TMC1: variants seen among roughly 807,000 people sequenced by gnomAD.
TMC1 encodes the protein transmembrane channel-like protein 1.
In TMC1, 84 loss-of-function variants were observed where a neutral mutation model predicts 105.8. That is an observed-to-expected ratio of 0.79 (90% CI 0.67 to 0.95). TMC1 has a LOEUF of 0.95. Among genes scored for constraint, TMC1 ranks in the 40% least tolerant of loss-of-function variants. The pLI is 0.00. For synonymous variants in TMC1, 315 were observed against 311.5 expected (o/e 1.01, Z -0.12); for missense variants, 817 against 914.1 (o/e 0.89, Z 1.37).
At chr9:72,723,461 T>A (rs1281733600) in intron 8 of TMC1, among the ~76,000 whole-genome samples, 1 of 152,218 alleles carries the variant, frequency 6.6e-6, no homozygotes. Context: ...TTGGAATAAG[T>A]ATTTACAGCT....
chr9:72,729,295 T>C (rs1000154941), intron 8 of TMC1, among the ~76,000 whole-genome samples: 20 of 152,172 alleles, frequency 1.3e-4, no homozygotes, highest in African/African-American at 4.3e-4. Flanking sequence ...CTAAAAAATA[T>C]ATATTTTACC....
rs543353352 is a variant in TMC1, at chr9:72,689,862, C to G, written c.64+1106C>G. Among the ~76,000 whole-genome samples the G allele has an allele frequency of 3.3e-5, 5 of 152,188 alleles. No homozygotes were observed. In the South Asian group the frequency reaches 8.3e-4, roughly 25 times the overall value. ...TCTAAAGTGAATCTTTTATAGTTAG[C>G]ATACAGTTGTTTCTTTTCTTTGGTT... On this transcript the variant is annotated intron_variant, in intron 6 of 23. Transcript: ENST00000297784.
intron 13 of TMC1, among the ~76,000 whole-genome samples, chr9:72,783,362 A>G (rs1386796538): frequency 6.6e-6 from 1 of 152,204 alleles, no homozygotes; most frequent in Non-Finnish European, 1.5e-5. Context: ...CACTGGTGTA[A>G]GTCCCAGAGT....
At chr9:72,616,261 T>C (rs1487240043) in intron 2 of TMC1, 107 bp from the exon 3 acceptor site, 2 of 152,132 alleles carry the variant, frequency 1.3e-5, no homozygotes, top group Non-Finnish European at 2.9e-5. Flanking sequence ...CAGGGACAGG[T>C]AAAATTCACA....
At position 72,836,256 on chromosome 9, in the gene TMC1, G is replaced by T; in HGVS notation, c.*283G>T. ...TTTTTAACAAATTGAGTTTAGAAGT[G>T]AGTGTAATCCAGCAATACAGTTTAC... is the stretch of plus-strand genomic sequence containing the variant. On this transcript the variant is annotated 3_prime_UTR_variant, in exon 24 of 24. Transcript: ENST00000297784. 1 of 491,606 alleles carries T rather than the reference G, an allele frequency of 2.0e-6. No homozygotes were observed. Among genetic ancestry groups the T allele is most frequent in the Non-Finnish European group, 3.6e-6 (1 of 275,538 alleles). 30.5% of individuals were successfully genotyped at this position (491,606 alleles called of 1,614,324 possible).
At chr9:72,791,680 T>A (rs1387215671) in intron 15 of TMC1, among the ~76,000 whole-genome samples, 1 of 152,168 alleles carries the variant, frequency 6.6e-6, no homozygotes, top group African/African-American at 2.4e-5. Context: ...ATACACACAC[T>A]CAGTCACATG....
At chr9:72,637,148 C>T (rs963252400) in intron 4 of TMC1, among the ~76,000 whole-genome samples, 6 of 151,678 alleles carry the variant, frequency 4.0e-5, no homozygotes, top group African/African-American at 1.2e-4. Flanking sequence ...CAGATATTTG[C>T]TATTCACCAG....
intron 12 of TMC1, among the ~76,000 whole-genome samples, chr9:72,768,533 A>T (rs1233340688): frequency 6.6e-6 from 1 of 152,228 alleles, no homozygotes; most frequent in East Asian, 1.9e-4. Flanking sequence ...TCATTTATAG[A>T]TTTGACTTCA....
intron 12 of TMC1, among the ~76,000 whole-genome samples, chr9:72,762,520 G>A (rs1447858796): frequency 6.6e-6 from 1 of 152,040 alleles, no homozygotes; most frequent in Middle Eastern, 3.2e-3. Context: ...CCATCGTCTG[G>A]GCCTACCTCC....
Position 72,825,436 on chromosome 9 carries a change from G to T in TMC1, c.2004-1433G>T, listed in dbSNP as rs75905765. ...ATGTAGATGCGTCCATAATTTGTAC[G>T]TAATTAAGATATCTGGACTCCTTTC... On this transcript the variant is annotated intron_variant, in intron 20 of 23. Coordinates refer to ENST00000297784, the MANE Select transcript of TMC1 (RefSeq NM_138691.3). Among the ~76,000 whole-genome samples, 10 of 152,280 alleles carry T rather than the reference G, an allele frequency of 6.6e-5. No homozygotes were observed. In the East Asian group the frequency reaches 1.5e-3, roughly 23 times the overall value.
At chr9:72,653,590 T>C (rs1237542253) in intron 5 of TMC1, among the ~76,000 whole-genome samples, 1 of 152,228 alleles carries the variant, frequency 6.6e-6, no homozygotes, top group Admixed American at 6.5e-5. Flanking sequence ...TCTCTTTCTT[T>C]CATCCCACTT....
At chr9:72,667,946 T>A (rs1245025392) in intron 5 of TMC1, among the ~76,000 whole-genome samples, 1 of 152,244 alleles carries the variant, frequency 6.6e-6, no homozygotes, top group Non-Finnish European at 1.5e-5. Flanking sequence ...CTGCCTGGAA[T>A]GTCTTCTTTC....
At chr9:72,821,466 C>T (rs1238143342) in intron 20 of TMC1, among the ~76,000 whole-genome samples, 6 of 149,392 alleles carry the variant, frequency 4.0e-5, no homozygotes, top group Admixed American at 2.0e-4. Flanking sequence ...GGTGCCATTG[C>T]ACTCCAGCCT....
intron 2 of TMC1, among the ~76,000 whole-genome samples, chr9:72,608,697 C>T (rs531934443): frequency 9.8e-5 from 10 of 102,496 alleles, no homozygotes; most frequent in African/African-American, 4.6e-4. Flanking sequence ...ACAGAGACTT[C>T]ATCTCAAAAA....
At chr9:72,815,087 A>G (rs1209421875) in intron 18 of TMC1, among the ~76,000 whole-genome samples, 1 of 152,086 alleles carries the variant, frequency 6.6e-6, no homozygotes, top group East Asian at 1.9e-4. Flanking sequence ...TATTTACTGC[A>G]TTCTTATTCC....
At chr9:72,685,189 C>T (rs1449246099) in intron 5 of TMC1, among the ~76,000 whole-genome samples, 2 of 145,826 alleles carry the variant, frequency 1.4e-5, no homozygotes, top group Non-Finnish European at 3.0e-5. Context: ...TCACTGCAAG[C>T]TCCGCCTCCC....
intron 4 of TMC1, among the ~76,000 whole-genome samples, chr9:72,640,101 T>C (rs1336512102): frequency 1.3e-5 from 2 of 152,234 alleles, no homozygotes; most frequent in African/African-American, 4.8e-5. Context: ...AAGCACTTGA[T>C]ACATGTTTGG....
At chr9:72,635,406 G>A (rs961597662) in intron 4 of TMC1, among the ~76,000 whole-genome samples, 1 of 152,170 alleles carries the variant, frequency 6.6e-6, no homozygotes, top group African/African-American at 2.4e-5. Flanking sequence ...CATGGCAACA[G>A]CCCTGCTTAT....
chr9:72,678,508 G>T (rs1403503478), intron 5 of TMC1, among the ~76,000 whole-genome samples: 6 of 151,910 alleles, frequency 3.9e-5, no homozygotes, highest in Non-Finnish European at 8.8e-5. Context: ...TGAGCCTCAG[G>T]TTTCTCACCA....
Sources: gnomAD v4.1 joint callset for allele counts (sites outside exome capture counted in the v4.1 genomes callset) on GRCh38, gnomAD v4.1.1 for gene constraint, MANE v1.5 for transcripts, NCBI Gene and HGNC (gene_info 2026-07-23, HGNC 2026-07-21) for gene names.